Variants in TMCC1 observed in about 807,000 individuals in gnomAD.
TMCC1 encodes transmembrane and coiled-coil domains protein 1.
A neutral mutation model predicts 52.4 loss-of-function variants in TMCC1; 15 were observed. The observed-to-expected ratio is 0.29, with a 90% CI of 0.19 to 0.44. The LOEUF (loss-of-function observed/expected upper bound fraction) is 0.44, where lower values mean the gene tolerates loss of function less well. Among genes scored for constraint, TMCC1 ranks in the 20% least tolerant of loss-of-function variants. The pLI is 1.00. For missense variants in TMCC1, 503 were observed against 806.0 expected (o/e 0.62, Z 4.55); for synonymous variants, 279 against 301.9 (o/e 0.92, Z 0.79).
intron 4 of TMCC1, among the ~76,000 whole-genome samples, chr3:129,682,591 ACT>A (rs970794950): frequency 2.0e-5 from 3 of 151,974 alleles, no homozygotes; most frequent in Non-Finnish European, 4.4e-5. Flanking sequence ...CAAGCTTCAG[ACT>A]CTCTGCTACA....
At chr3:129,784,510 G>C (rs926559744) in intron 4 of TMCC1, among the ~76,000 whole-genome samples, 2 of 151,426 alleles carry the variant, frequency 1.3e-5, no homozygotes, top group Non-Finnish European at 2.9e-5. Context: ...AGCTTGCAGT[G>C]AGCCAAGATC....
chr3:129,857,008 T>C (rs1041046910), intron 2 of TMCC1, among the ~76,000 whole-genome samples: 3 of 152,004 alleles, frequency 2.0e-5, no homozygotes, highest in African/African-American at 7.3e-5. Flanking sequence ...AACCTCTGCC[T>C]CCCAGGTTCA....
At chr3:129,826,582 C>A (rs976133188) in intron 4 of TMCC1, among the ~76,000 whole-genome samples, 1 of 151,936 alleles carries the variant, frequency 6.6e-6, no homozygotes, top group Non-Finnish European at 1.5e-5. Flanking sequence ...TTTTAATTCA[C>A]ATCATTATTT....
intron 2 of TMCC1, among the ~76,000 whole-genome samples, chr3:129,853,780 T>C (rs932931360): frequency 6.6e-6 from 1 of 152,040 alleles, no homozygotes; most frequent in African/African-American, 2.4e-5. Context: ...TAAATCATGA[T>C]CTTCCCCCAA....
intron 5 of TMCC1, among the ~76,000 whole-genome samples, chr3:129,663,853 C>T (rs977527794): frequency 3.3e-5 from 5 of 152,174 alleles, no homozygotes; most frequent in African/African-American, 1.2e-4. Context: ...AACCAAACAT[C>T]ACACTAGGTA....
At chr3:129,806,210 T>C (rs1294470990) in intron 4 of TMCC1, among the ~76,000 whole-genome samples, 1 of 152,220 alleles carries the variant, frequency 6.6e-6, no homozygotes, top group African/African-American at 2.4e-5. Flanking sequence ...AACAGACTTA[T>C]CTTGGCTCTC....
chr3:129,816,142 A>G lies in TMCC1; in HGVS notation c.576+11661T>C, dbSNP rs543334424. On this transcript the variant is annotated intron_variant, in intron 4 of 6. Coordinates refer to ENST00000393238, the MANE Select transcript of TMCC1 (RefSeq NM_001017395.5). Reference sequence around the variant, plus strand: ...ATGTATACTGTTGGTAGAAATGTAAATTAGTACAGCCACTATGGAAAACTT... The same window carrying G: ...ATGTATACTGTTGGTAGAAATGTAAGTTAGTACAGCCACTATGGAAAACTT... 2.0e-5 allele frequency among the ~76,000 whole-genome samples: 3 copies of G among 152,326 alleles called. No homozygotes were observed. The South Asian group carries it at 6.2e-4, about 32-fold the overall frequency.
At chr3:129,713,774 A>G (rs1190713538) in intron 4 of TMCC1, among the ~76,000 whole-genome samples, 2 of 152,052 alleles carry the variant, frequency 1.3e-5, no homozygotes, top group African/African-American at 4.8e-5. Flanking sequence ...TAAAAGAATT[A>G]TCTCAAGATG....
chr3:129,692,918 C>T (rs1454607351), intron 4 of TMCC1, among the ~76,000 whole-genome samples: 1 of 152,108 alleles, frequency 6.6e-6, no homozygotes, highest in Non-Finnish European at 1.5e-5. Flanking sequence ...TCTCGGCTGA[C>T]TGCAATGTCC....
chr3:129,663,368 A>G (rs1178792017), intron 5 of TMCC1, among the ~76,000 whole-genome samples: 7 of 152,196 alleles, frequency 4.6e-5, no homozygotes, highest in Non-Finnish European at 7.3e-5. Flanking sequence ...ACAGGCAACT[A>G]TGGGAGAAGA....
intron 2 of TMCC1, among the ~76,000 whole-genome samples, chr3:129,845,060 A>T (rs1239174023): frequency 1.3e-5 from 2 of 151,992 alleles, no homozygotes; most frequent in African/African-American, 4.8e-5. Context: ...GTGGTGGTGT[A>T]TCCCTGTAGT....
At chr3:129,717,466 T>C (rs965132344) in intron 4 of TMCC1, among the ~76,000 whole-genome samples, 31 of 152,208 alleles carry the variant, frequency 2.0e-4, no homozygotes, top group Admixed American at 4.6e-4. Flanking sequence ...TTCTCCTTAG[T>C]ATCCTATGAC....
intron 4 of TMCC1, among the ~76,000 whole-genome samples, chr3:129,777,165 G>A (rs1223605686): frequency 6.6e-6 from 1 of 152,136 alleles, no homozygotes; most frequent in Non-Finnish European, 1.5e-5. Context: ...TGAATCTTAA[G>A]TATCACAAGT....
intron 4 of TMCC1, among the ~76,000 whole-genome samples, chr3:129,823,205 A>C (rs938382864): frequency 3.9e-5 from 6 of 152,148 alleles, no homozygotes; most frequent in Admixed American, 3.9e-4. Flanking sequence ...GTGCGCCTGT[A>C]ATCTCAGCTA....
At chr3:129,876,661 T>A (rs978403377) in intron 2 of TMCC1, among the ~76,000 whole-genome samples, 8 of 151,510 alleles carry the variant, frequency 5.3e-5, no homozygotes, top group South Asian at 2.1e-4. Flanking sequence ...TTAAAAAAAA[T>A]AAACCCTGAA....
intron 2 of TMCC1, among the ~76,000 whole-genome samples, chr3:129,866,379 T>TA (rs1179417712): frequency 1.5e-4 from 18 of 119,318 alleles, no homozygotes; most frequent in African/African-American, 5.9e-4. Flanking sequence ...TATATATATG[T>TA]TTTTTTTTTT....
chr3:129,696,674 C>A (rs2047437088), intron 4 of TMCC1, among the ~76,000 whole-genome samples: 1 of 152,150 alleles, frequency 6.6e-6, no homozygotes, highest in Non-Finnish European at 1.5e-5. Context: ...CGCCTATGAG[C>A]CTGTAAAATA....
chr3:129,726,799 C>CCAGGAGG (rs546536288), intron 4 of TMCC1, among the ~76,000 whole-genome samples: 155 of 134,916 alleles, frequency 1.1e-3, no homozygotes, highest in African/African-American at 3.8e-3. Context: ...CTGCTTGAAC[C>CCAGGAGG]CAGAGGTTGC....
intron 4 of TMCC1, among the ~76,000 whole-genome samples, chr3:129,748,528 TCCA>T (rs1485532061): frequency 6.6e-6 from 1 of 152,024 alleles, no homozygotes; most frequent in African/African-American, 2.4e-5. Context: ...CCTCAGGCAA[TCCA>T]CCTGCCTCAG....
Sources: allele counts gnomAD v4.1 joint callset (sites outside exome capture counted in the v4.1 genomes callset), GRCh38; gene constraint gnomAD v4.1.1; transcripts MANE v1.5; gene names NCBI Gene and HGNC (gene_info 2026-07-23, HGNC 2026-07-21).